The following MXRA8 variants were observed in gnomAD, a reference collection of about 807,000 sequenced individuals.
The protein encoded by MXRA8 is matrix remodeling associated 8.
In MXRA8, 44 loss-of-function variants were observed where a neutral mutation model predicts 51.4. That is an observed-to-expected ratio of 0.86 (90% CI 0.67 to 1.10). MXRA8 has a LOEUF of 1.10. Ranked by LOEUF, MXRA8 falls within the 50% of genes least tolerant of loss-of-function variation. MXRA8 has a pLI of 0.00. For synonymous variants in MXRA8, 369 were observed against 293.5 expected (o/e 1.26, Z -2.63); for missense variants, 765 against 638.9 (o/e 1.20, Z -2.13).
chr1:1,355,027 G>C lies in MXRA8; in HGVS notation c.604C>G (p.Gln202Glu). 6.2e-7 allele frequency: 1 copy of C among 1,607,872 alleles called. No homozygotes were observed. Among genetic ancestry groups the C allele is most frequent in the Non-Finnish European group, 8.5e-7 (1 of 1,178,260 alleles). Residue 202 changes from glutamine (Q) to glutamate (E), a missense_variant, in exon 5 of 10, where the codon CAA becomes GAA. By Grantham distance (29) the Gln-to-Glu change is conservative (BLOSUM62 2). Transcript: ENST00000309212. ...TGCCGGTCCCAGTGCACCACCTGTTGAGCCTCCTCCACGTGCCGGTCGGTC... is the reference window on the plus strand; with the variant it reads ...TGCCGGTCCCAGTGCACCACCTGTTCAGCCTCCTCCACGTGCCGGTCGGTC... ...VWTDRHVEEA[Q>E]QVVHWDRQPP...
upstream of MXRA8, among the ~76,000 whole-genome samples, chr1:1,359,919 A>T (rs758998397): frequency 2.0e-5 from 3 of 151,970 alleles, no homozygotes; most frequent in Non-Finnish European, 2.9e-5. Flanking sequence ...ACTGGTTTGT[A>T]TTAGTGCTGG....
intron 2 of MXRA8, among the ~76,000 whole-genome samples, chr1:1,356,243 T>C (rs1037594091): frequency 1.1e-4 from 1 of 8,760 alleles, no homozygotes; most frequent in East Asian, 3.0e-3. Flanking sequence ...GGGGAGTCCA[T>C]GGGGGAGGGC....
chr1:1,355,549 A>C lies in MXRA8; in HGVS notation c.277T>G (p.Ser93Ala), dbSNP rs1455744220. The stretch of plus-strand genomic sequence containing the variant: ...TCGTACACGCGCTGCTCGCCCGCCG[A>C]GTACAAGTCCAGCAGGCGCCGCGCG... ...GPARRLLDLY[S>A]AGEQRVYEAR... is the part of the protein sequence containing the mutation. Residue 93 changes from serine (S) to alanine (A), a missense_variant, in exon 3 of 10, where the codon TCG becomes GCG. Physicochemically the swap from Ser to Ala is moderately conservative, Grantham distance 99 (BLOSUM62 1). Transcript: ENST00000309212. 4 of 1,491,542 alleles carry C rather than the reference A, an allele frequency of 2.7e-6. No homozygotes were observed. Among genetic ancestry groups the C allele is most frequent in the Non-Finnish European group, 2.7e-6 (3 of 1,129,812 alleles). 92.4% of individuals were successfully genotyped at this position (1,491,542 alleles called of 1,614,324 possible). A position where few individuals can be genotyped will look rare whatever the true frequency, so the allele number is the denominator to read the frequency against.
Position 1,353,597 on chromosome 1 carries a change from G to A in MXRA8, c.*7C>T. ...GCTGCTGGCCCAGCCAGGAGCCCAG[G>A]GCCTCCCTATTTGCAGTTCTCCTTC... is the stretch of plus-strand genomic sequence containing the variant. On this transcript the variant is annotated 3_prime_UTR_variant, in exon 10 of 10. Transcript: ENST00000309212. 6.4e-7 allele frequency: 1 copy of A among 1,560,908 alleles called. No individual in the cohort carries two copies. The highest frequency in any genetic ancestry group is 8.7e-7 in the Non-Finnish European group (1 of 1,151,844).
At chr1:1,353,778 T>C in intron 9 of MXRA8, 70 bp downstream of exon 9, 1 of 1,491,214 alleles carries the variant, frequency 6.7e-7, no homozygotes, top group Non-Finnish European at 9.0e-7. Context: ...CTGCCATCGT[T>C]GGTCCCAGGT....
chr1:1,361,550 C>T (rs1056325592), upstream of MXRA8: 12 of 512,384 alleles, frequency 2.3e-5, no homozygotes, highest in Admixed American at 6.5e-5. Flanking sequence ...CAGCCAGTGG[C>T]GGGGCTGCCA....
At chr1:1,359,020 A>C, upstream of MXRA8, 1 of 985,410 alleles carries the variant, frequency 1.0e-6, no homozygotes, top group African/African-American at 1.7e-5. Context: ...TCTCCTTCAG[A>C]CCAGATGGCC....
upstream of MXRA8, among the ~76,000 whole-genome samples, chr1:1,359,880 C>G (rs115567783): frequency 1.3e-5 from 2 of 152,188 alleles, no homozygotes; most frequent in Non-Finnish European, 2.9e-5. Context: ...GCCTCGAGGC[C>G]TCTGCTGGCC....
chr1:1,356,956 C>T (rs112254327), intron 1 of MXRA8, among the ~76,000 whole-genome samples: 3 of 152,168 alleles, frequency 2.0e-5, no homozygotes, highest in African/African-American at 2.4e-5. Flanking sequence ...CCAAGCCAGC[C>T]GGTTCTGGGG....
At chr1:1,355,934 G>A (rs1644119603) in intron 2 of MXRA8, among the ~76,000 whole-genome samples, 182 bp from the exon 3 acceptor site, 6 of 109,686 alleles carry the variant, frequency 5.5e-5, no homozygotes. Context: ...CGAGGGCCTG[G>A]ATAGGGGAGG....
At chr1:1,360,226 C>A (rs1457934922), upstream of MXRA8, among the ~76,000 whole-genome samples, 2 of 152,212 alleles carry the variant, frequency 1.3e-5, no homozygotes, top group African/African-American at 4.8e-5. Context: ...ACCCAGCCAG[C>A]GGAGATGCAG....
At position 1,355,659 on chromosome 1, in the gene MXRA8, C is replaced by G; in HGVS notation, c.167G>C (p.Ser56Thr). 7.0e-7 allele frequency: 1 copy of G among 1,421,608 alleles called. No homozygotes were observed. Among genetic ancestry groups the G allele is most frequent in the Non-Finnish European group, 9.2e-7 (1 of 1,091,680 alleles). The allele number at this position is 1,421,608 out of a possible 1,614,324, so 88.1% of individuals were successfully genotyped here. A position where few individuals can be genotyped will look rare whatever the true frequency, so the allele number is the denominator to read the frequency against. The change falls in exon 3 of 10, where the codon AGC becomes ACC. Residue 56 changes from serine (S) to threonine (T), a missense_variant. Transcript: ENST00000309212. ...AGARAVLRCQ[S>T]PRMVWTQDRL... is the part of the protein sequence containing the mutation. The stretch of plus-strand genomic sequence containing the variant: ...GTCCTGGGTCCACACCATGCGCGGG[C>G]TCTGGCAGCGCAGCACCGCCCGGGC...
chr1:1,353,384 G>C lies in MXRA8; in HGVS notation c.*220C>G, dbSNP rs1278016353. The stretch of plus-strand genomic sequence containing the variant: ...ATTTTGGTTGTGCCAGGGGTGGGCA[G>C]GGCCACCCGTGAGCAAAGGCCGCAG... On this transcript the variant is annotated 3_prime_UTR_variant, in exon 10 of 10. Coordinates refer to ENST00000309212, the MANE Select transcript of MXRA8 (RefSeq NM_032348.4). 5 of 1,541,412 alleles carry C rather than the reference G, an allele frequency of 3.2e-6. No individual in the cohort carries two copies. The African/African-American group carries it at 5.5e-5, about 17-fold the overall frequency.
Position 1,355,432 on chromosome 1 carries a change from G to GC in MXRA8, c.376+17_376+18insG. 1 of 1,483,010 alleles carries GC rather than the reference G, an allele frequency of 6.7e-7. No homozygotes were observed. Among genetic ancestry groups the GC allele is most frequent in the Non-Finnish European group, 8.9e-7 (1 of 1,125,372 alleles). 91.9% of individuals were successfully genotyped at this position (1,483,010 alleles called of 1,614,324 possible). A position where few individuals can be genotyped will look rare whatever the true frequency, so the allele number is the denominator to read the frequency against. On this transcript the variant is annotated intron_variant, in intron 3 of 9. Coordinates refer to ENST00000309212, the MANE Select transcript of MXRA8 (RefSeq NM_032348.4). The stretch of plus-strand genomic sequence containing the variant: ...ACCCCTGCCCCGACCCCGCGGCCCC[G>GC]GTCCCCGGTCCCCGCACCGCGGATG...
Position 1,353,551 on chromosome 1 carries a change from A to G in MXRA8, c.*53T>C. ...CGGAGCATCAGGAGATGCCCCGAGGAGCACAGACAGGAGAGGTGCAGCTGC... is the reference window on the plus strand; with the variant it reads ...CGGAGCATCAGGAGATGCCCCGAGGGGCACAGACAGGAGAGGTGCAGCTGC... On this transcript the variant is annotated 3_prime_UTR_variant, in exon 10 of 10. Coordinates refer to ENST00000309212, the MANE Select transcript of MXRA8 (RefSeq NM_032348.4). 2 of 1,544,306 alleles carry G rather than the reference A, an allele frequency of 1.3e-6. No homozygotes were observed. The highest frequency in any genetic ancestry group is 2.4e-5 in the South Asian group (2 of 83,390).
chr1:1,360,128 G>A (rs892910706), upstream of MXRA8, among the ~76,000 whole-genome samples: 1 of 152,238 alleles, frequency 6.6e-6, no homozygotes. Context: ...AGGGGCGCCT[G>A]GTCCGCACGA....
At chr1:1,358,816 C>T (rs978951738), upstream of MXRA8, 24 of 1,153,758 alleles carry the variant, frequency 2.1e-5, no homozygotes, top group African/African-American at 2.7e-4. Context: ...ACCACGTGAT[C>T]GTGTCTCACG....
intron 9 of MXRA8, 86 bp from the exon 10 acceptor site, chr1:1,353,715 TC>T: frequency 6.8e-7 from 1 of 1,474,034 alleles, no homozygotes; most frequent in Non-Finnish European, 9.2e-7. Flanking sequence ...CCCGCAGGAC[TC>T]CCCAGGGATT....
At position 1,355,270 on chromosome 1, in the gene MXRA8, G is replaced by A; in HGVS notation, c.452C>T (p.Ala151Val). Residue 151 changes from alanine to valine, a missense_variant, in exon 4 of 10, where the codon GCC (alanine) becomes GTC (valine). Physicochemically the swap from Ala to Val is moderately conservative, Grantham distance 64. Transcript: ENST00000309212. ...HHYCHLYESL[A>V]VRLEVTDGPP... ...GCCGTCGGTGACCTCCAGGCGGACG[G>A]CCAGGCTCTCGTAGAGGTGGCAGTA... The A allele has an allele frequency of 6.4e-7, 1 of 1,573,008 alleles. No homozygotes were observed. Among genetic ancestry groups the A allele is most frequent in the Non-Finnish European group, 8.6e-7 (1 of 1,163,924 alleles).
Sources: allele counts gnomAD v4.1 joint callset (sites outside exome capture counted in the v4.1 genomes callset), GRCh38; gene constraint gnomAD v4.1.1; transcripts MANE v1.5; gene names NCBI Gene and HGNC (gene_info 2026-07-23, HGNC 2026-07-21).